The following FER variants were observed in gnomAD, a reference collection of about 807,000 sequenced individuals.
FER encodes FER tyrosine kinase, also known as tyrosine-protein kinase Fer.
A neutral mutation model predicts 111.0 loss-of-function variants in FER; 63 were observed. That is an observed-to-expected ratio of 0.57 (90% CI 0.46 to 0.70). The LOEUF is 0.70. Ranked by LOEUF, FER falls within the 30% of genes least tolerant of loss-of-function variation. The probability of loss-of-function intolerance (pLI) is 0.00; values close to 1 mark genes in which losing one functional copy is unlikely to be tolerated. For synonymous variants in FER, 327 were observed against 313.9 expected, an observed-to-expected ratio of 1.04 and a Z score of -0.44; for missense variants, 914 against 954.0, an observed-to-expected ratio of 0.96 and a Z score of 0.55.
intron 10 of FER, among the ~76,000 whole-genome samples, chr5:108,914,727 A>T (rs1365486769): frequency 6.6e-6 from 1 of 152,200 alleles, no homozygotes; most frequent in African/African-American, 2.4e-5. Context: ...CAGGCTAGTG[A>T]GGGGCATAGT....
chr5:108,765,274 C>A (rs976747546), intron 1 of FER, among the ~76,000 whole-genome samples: 1 of 151,892 alleles, frequency 6.6e-6, no homozygotes, highest in African/African-American at 2.4e-5. Context: ...TTAGAGATGC[C>A]ACCAAAAAAA....
chr5:109,155,318 G>A (rs1755247097), intron 17 of FER, among the ~76,000 whole-genome samples: 3 of 151,920 alleles, frequency 2.0e-5, no homozygotes, highest in Non-Finnish European at 4.4e-5. Flanking sequence ...TGAAAAATAT[G>A]AAGAGTAGTC....
At chr5:109,063,158 A>G (rs3797832) in intron 16 of FER, among the ~76,000 whole-genome samples, 25,124 of 152,186 alleles carry the variant, frequency 0.17, 2,153 homozygotes, top group South Asian at 0.21. Flanking sequence ...TCAATTGTCA[A>G]AATTCGTTTT....
chr5:109,100,584 T>A, intron 17 of FER, 65 bp downstream of exon 17: 2 of 1,473,998 alleles, frequency 1.4e-6, no homozygotes, highest in Non-Finnish European at 1.9e-6. Flanking sequence ...ACTGATGTAT[T>A]TGCTACAATA....
rs189418535 is a variant in FER at position 108,953,953 on chromosome 5, T to C, written c.1330-776T>C. On this transcript the variant is annotated intron_variant, in intron 11 of 19. Coordinates refer to ENST00000281092, the MANE Select transcript of FER (RefSeq NM_005246.4). ...TCAGAAAATGTGTGATTTAATCTAC[T>C]ATCAGCACATTTCAAGGAAATACAA... Among the ~76,000 whole-genome samples the C allele has an allele frequency of 3.2e-4, 48 of 152,240 alleles. 1 individual carries two copies. Among genetic ancestry groups the C allele is most frequent in the Non-Finnish European group, 5.1e-4 (35 of 67,994 alleles).
intron 10 of FER, among the ~76,000 whole-genome samples, chr5:108,941,131 G>T (rs548637203): frequency 3.3e-5 from 5 of 152,220 alleles, no homozygotes; most frequent in East Asian, 3.9e-4. Flanking sequence ...GAGGGAGGAT[G>T]CTAGAATCTC....
chr5:108,785,607 AGTGGGGAGTCTCAG>A, intron 2 of FER: 1 of 418,504 alleles, frequency 2.4e-6, no homozygotes. Context: ...GAAAAAAAAA[AGTGGGGAGTCTCAG>A]GCCTTATGGT....
At chr5:108,942,145 C>T (rs1055504028) in intron 10 of FER, among the ~76,000 whole-genome samples, 1 of 152,100 alleles carries the variant, frequency 6.6e-6, no homozygotes, top group Admixed American at 6.6e-5. Context: ...GGGAAAAGCA[C>T]CATGGAACGT....
At chr5:108,893,061 G>A (rs527409374) in intron 9 of FER, among the ~76,000 whole-genome samples, 33 of 152,214 alleles carry the variant, frequency 2.2e-4, no homozygotes, top group African/African-American at 7.7e-4. Context: ...TGCTGTTTTG[G>A]TTACTGTAGC....
intron 17 of FER, among the ~76,000 whole-genome samples, chr5:109,106,267 A>G (rs1376624764): frequency 6.6e-6 from 1 of 152,242 alleles, no homozygotes; most frequent in Admixed American, 6.5e-5. Context: ...AGAAAGACAA[A>G]CCAAGATGTT....
intron 16 of FER, among the ~76,000 whole-genome samples, chr5:109,088,960 C>T (rs1350076443): frequency 6.6e-6 from 1 of 152,148 alleles, no homozygotes; most frequent in Admixed American, 6.5e-5. Flanking sequence ...GATAGTGACT[C>T]ACAAAGTTAA....
intron 5 of FER, among the ~76,000 whole-genome samples, chr5:108,861,293 C>T (rs1341315803): frequency 6.6e-6 from 1 of 152,162 alleles, no homozygotes; most frequent in East Asian, 1.9e-4. Context: ...ACTTTTTAGA[C>T]TAGCTTAATG....
At chr5:108,927,746 T>A (rs1300464680) in intron 10 of FER, among the ~76,000 whole-genome samples, 1 of 152,202 alleles carries the variant, frequency 6.6e-6, no homozygotes, top group Non-Finnish European at 1.5e-5. Context: ...CTTTTTCTAC[T>A]TTTGGTCATT....
At chr5:108,836,686 C>T (rs76043602) in intron 5 of FER, among the ~76,000 whole-genome samples, 2 of 152,104 alleles carry the variant, frequency 1.3e-5, no homozygotes, top group African/African-American at 4.8e-5. Flanking sequence ...AAGTAAACAG[C>T]TCCTCCATTT....
At chr5:109,038,732 C>T (rs1476242593) in intron 14 of FER, among the ~76,000 whole-genome samples, 2 of 151,608 alleles carry the variant, frequency 1.3e-5, no homozygotes, top group African/African-American at 4.8e-5. Context: ...AAAAATATTA[C>T]AAAGATTAAT....
intron 17 of FER, among the ~76,000 whole-genome samples, chr5:109,176,481 G>C (rs968523552): frequency 2.6e-5 from 4 of 152,260 alleles, no homozygotes; most frequent in Admixed American, 2.6e-4. Context: ...GACTGGGAAG[G>C]GTAGAGAGGT....
At chr5:108,943,673 T>C (rs183486392) in intron 10 of FER, among the ~76,000 whole-genome samples, 1 of 152,148 alleles carries the variant, frequency 6.6e-6, no homozygotes, top group African/African-American at 2.4e-5. Context: ...ACTTGATAGG[T>C]ATGATTTTAC....
intron 10 of FER, among the ~76,000 whole-genome samples, chr5:108,910,388 C>A (rs907382241): frequency 3.9e-5 from 6 of 152,100 alleles, no homozygotes; most frequent in Non-Finnish European, 7.4e-5. Flanking sequence ...CTTTTTATGA[C>A]TTTCAGGTGA....
intron 17 of FER, among the ~76,000 whole-genome samples, chr5:109,103,589 G>T (rs1246372069): frequency 6.6e-6 from 1 of 152,258 alleles, no homozygotes; most frequent in East Asian, 1.9e-4. Flanking sequence ...ACAGCTTGAG[G>T]ATTGCTGTAT....
Sources: gnomAD v4.1 joint callset for allele counts (sites outside exome capture counted in the v4.1 genomes callset) on GRCh38, gnomAD v4.1.1 for gene constraint, MANE v1.5 for transcripts, NCBI Gene and HGNC (gene_info 2026-07-23, HGNC 2026-07-21) for gene names.